Variants in RALGAPA1 observed in about 807,000 individuals in gnomAD.
The protein encoded by RALGAPA1 is ral GTPase-activating protein subunit alpha-1.
RALGAPA1 carries 52 observed loss-of-function variants against 269.6 expected under a neutral mutation model. The ratio of observed to expected loss-of-function variants is 0.19; its 90% CI spans 0.15 to 0.24. RALGAPA1 has a LOEUF of 0.24. Ranked by LOEUF, RALGAPA1 falls within the 10% of genes least tolerant of loss-of-function variation. The pLI is 1.00. For synonymous variants in RALGAPA1, 817 were observed against 1,008.3 expected (o/e 0.81, Z 3.60); for missense variants, 1,917 against 3,013.9 (o/e 0.64, Z 8.52).
chr14:35,589,531 T>A (rs1320321463), intron 37 of RALGAPA1, among the ~76,000 whole-genome samples: 2 of 152,148 alleles, frequency 1.3e-5, no homozygotes, highest in African/African-American at 4.8e-5. Context: ...AATTTCAATT[T>A]ATCAATTAAA....
At chr14:35,770,284 T>C (rs2074517491) in intron 4 of RALGAPA1, among the ~76,000 whole-genome samples, 1 of 152,092 alleles carries the variant, frequency 6.6e-6, no homozygotes, top group South Asian at 2.1e-4. Flanking sequence ...ATAAAAGGCA[T>C]CTACAAAAAC....
In RALGAPA1 at chr14:35,654,420, A is replaced by G; in HGVS notation, c.5554T>C (p.Tyr1852His). 1 of 1,607,618 alleles carries G rather than the reference A, an allele frequency of 6.2e-7. No homozygotes were observed. The highest frequency in any genetic ancestry group is 1.1e-5 in the South Asian group (1 of 88,266). ...TGGTAAATCTGAAGTCTAGGTACATAATGAACCAGCATGTGAAGCATGTTA... is the reference window on the plus strand; with the variant it reads ...TGGTAAATCTGAAGTCTAGGTACATGATGAACCAGCATGTGAAGCATGTTA... ...ACNMLHMLVH[Y>H]VPRLQIYQPD... Residue 1852 changes from tyrosine to histidine, a missense_variant, in exon 30 of 42, where the codon TAT becomes CAT. Physicochemically the swap from Tyr to His is moderately conservative, Grantham distance 83. This residue lies in a region of RALGAPA1 where 346 missense variants were observed against 566.1 expected (regional missense o/e 0.61). Transcript: ENST00000680220.
chr14:35,559,244 T>C (rs976042505), intron 39 of RALGAPA1, among the ~76,000 whole-genome samples: 1 of 152,198 alleles, frequency 6.6e-6, no homozygotes, highest in Non-Finnish European at 1.5e-5. Flanking sequence ...AAAAGGCCTA[T>C]GTTTAGTCAA....
At chr14:35,604,048 C>T (rs1003330333) in intron 36 of RALGAPA1, among the ~76,000 whole-genome samples, 1 of 152,042 alleles carries the variant, frequency 6.6e-6, no homozygotes, top group Non-Finnish European at 1.5e-5. Context: ...TGATGGGTAT[C>T]CTAAATACCC....
chr14:35,592,725 C>T (rs1415793812), intron 37 of RALGAPA1, among the ~76,000 whole-genome samples: 1 of 152,152 alleles, frequency 6.6e-6, no homozygotes, highest in Admixed American at 6.6e-5. Flanking sequence ...TGTGATACAC[C>T]ACATTAACAG....
intron 34 of RALGAPA1, 125 bp downstream of exon 34, chr14:35,626,965 T>G (rs180705695): frequency 3.2e-6 from 3 of 949,930 alleles, no homozygotes; most frequent in Admixed American, 7.9e-5. Context: ...TGCAAAAAAA[T>G]GAGTCAAAGA....
chr14:35,622,334 G>T (rs1355736797), intron 35 of RALGAPA1, among the ~76,000 whole-genome samples: 1 of 152,040 alleles, frequency 6.6e-6, no homozygotes, highest in East Asian at 1.9e-4. Flanking sequence ...TGGACATAGG[G>T]TGGGGAATAT....
At chr14:35,552,810 A>AG (rs1191325581) in intron 39 of RALGAPA1, among the ~76,000 whole-genome samples, 2 of 152,198 alleles carry the variant, frequency 1.3e-5, no homozygotes, top group East Asian at 1.9e-4. Flanking sequence ...AAAGGAAAAA[A>AG]GGGGGGAAGG....
intron 33 of RALGAPA1, among the ~76,000 whole-genome samples, chr14:35,634,006 C>T (rs915053396): frequency 6.6e-6 from 1 of 152,038 alleles, no homozygotes; most frequent in African/African-American, 2.4e-5. Context: ...CTAATATTTG[C>T]ATTTTACAAA....
intron 39 of RALGAPA1, among the ~76,000 whole-genome samples, chr14:35,565,388 T>C (rs2056611850): frequency 6.6e-6 from 1 of 151,488 alleles, no homozygotes; most frequent in African/African-American, 2.4e-5. Context: ...GTTATATTTA[T>C]ACTGTTACAG....
intron 1 of RALGAPA1, among the ~76,000 whole-genome samples, chr14:35,797,953 G>A: frequency 6.6e-6 from 1 of 151,236 alleles, no homozygotes. Flanking sequence ...GCTCACTGCA[G>A]CCTCGACCTC....
intron 37 of RALGAPA1, among the ~76,000 whole-genome samples, chr14:35,593,845 C>A (rs565356213): frequency 4.0e-4 from 61 of 151,940 alleles, no homozygotes; most frequent in Non-Finnish European, 7.8e-4. Flanking sequence ...AAGAGTGAGA[C>A]CCTGTCTCAA....
At chr14:35,715,670 G>A in intron 16 of RALGAPA1, 1 of 959,228 alleles carries the variant, frequency 1.0e-6, no homozygotes, top group African/African-American at 1.8e-5. Context: ...GAGGTAATTT[G>A]TGTTTGCTTG....
intron 12 of RALGAPA1, among the ~76,000 whole-genome samples, chr14:35,733,257 C>A (rs1395154676): frequency 6.6e-6 from 1 of 152,248 alleles, no homozygotes; most frequent in South Asian, 2.1e-4. Flanking sequence ...GCGGGCGGAT[C>A]ACCTGAGTGT....
At chr14:35,694,888 C>G (rs1384977312) in intron 17 of RALGAPA1, among the ~76,000 whole-genome samples, 1 of 151,842 alleles carries the variant, frequency 6.6e-6, no homozygotes, top group Non-Finnish European at 1.5e-5. Context: ...ATCAGCCTGG[C>G]CAACATGGTG....
chr14:35,800,002 T>A (rs2076859073), intron 1 of RALGAPA1, among the ~76,000 whole-genome samples: 12 of 152,250 alleles, frequency 7.9e-5, no homozygotes, highest in Admixed American at 7.2e-4. Flanking sequence ...AAAGATATCA[T>A]TTCAAAATGA....
intron 18 of RALGAPA1, 64 bp from the exon 19 acceptor site, chr14:35,686,730 A>G: frequency 1.1e-6 from 1 of 900,890 alleles, no homozygotes. Flanking sequence ...TAACTTTGAA[A>G]CAAACAACAA....
At position 35,775,746 on chromosome 14, in the gene RALGAPA1, C is replaced by A; in HGVS notation, c.107-1G>T. 1 of 1,522,422 alleles carries A rather than the reference C, an allele frequency of 6.6e-7. No homozygotes were observed. The highest frequency in any genetic ancestry group is 8.7e-7 in the Non-Finnish European group (1 of 1,143,292). The allele number at this position is 1,522,422 out of a possible 1,614,324, so 94.3% of individuals were successfully genotyped here. A position where few individuals can be genotyped will look rare whatever the true frequency, so the allele number is the denominator to read the frequency against. ...TTAAGATCAATAGATTCTGCATTCTCTGAAAAATAAAAAAAAATTACTGAT... is the reference window on the plus strand; with the variant it reads ...TTAAGATCAATAGATTCTGCATTCTATGAAAAATAAAAAAAAATTACTGAT... On this transcript the variant is annotated splice_acceptor_variant, in intron 1 of 41. Coordinates refer to ENST00000680220, the MANE Select transcript of RALGAPA1 (RefSeq NM_001346249.2). LOFTEE classifies it high-confidence loss of function.
intron 37 of RALGAPA1, chr14:35,572,968 T>C (rs1190465527): frequency 1.2e-5 from 3 of 240,260 alleles, no homozygotes; most frequent in Non-Finnish European, 2.4e-5. Flanking sequence ...ATAGCCCAAA[T>C]ACTCTCCTTA....
Sources: allele counts gnomAD v4.1 joint callset (sites outside exome capture counted in the v4.1 genomes callset), GRCh38; gene constraint gnomAD v4.1.1; regional missense constraint gnomAD v4.1.1; transcripts MANE v1.5; gene names NCBI Gene and HGNC (gene_info 2026-07-23, HGNC 2026-07-21).